Variants in ATP6V0A4 observed in about 807,000 individuals in gnomAD.
The protein encoded by ATP6V0A4 is V-type proton ATPase 116 kDa subunit a 4.
In ATP6V0A4, 86 loss-of-function variants were observed where a neutral mutation model predicts 107.3. That is an observed-to-expected ratio of 0.80 (90% CI 0.67 to 0.96). ATP6V0A4 has a LOEUF of 0.96. ATP6V0A4 is among the 40% of genes least tolerant of loss of function. The probability of loss-of-function intolerance (pLI) is 0.00; values close to 1 mark genes in which losing one functional copy is unlikely to be tolerated. For synonymous variants in ATP6V0A4, 353 were observed against 381.4 expected (o/e 0.93, Z 0.87); for missense variants, 908 against 1,045.6 (o/e 0.87, Z 1.81).
intron 10 of ATP6V0A4, among the ~76,000 whole-genome samples, chr7:138,754,222 G>A (rs1806390452): frequency 6.6e-6 from 1 of 152,098 alleles, no homozygotes; most frequent in African/African-American, 2.4e-5. Context: ...GATGAGGTGG[G>A]TGGATCACCT....
chr7:138,731,023 T>A (rs1375274932), intron 17 of ATP6V0A4, among the ~76,000 whole-genome samples: 2 of 147,272 alleles, frequency 1.4e-5, no homozygotes, highest in African/African-American at 5.0e-5. Context: ...AACCTCTGCC[T>A]CTCAGGTTCA....
At chr7:138,708,569 T>C (rs912525854) in intron 21 of ATP6V0A4, among the ~76,000 whole-genome samples, 7 of 152,340 alleles carry the variant, frequency 4.6e-5, no homozygotes, top group Non-Finnish European at 8.8e-5. Context: ...CTCAGAATTC[T>C]TGGTTGAAAT....
intron 18 of ATP6V0A4, among the ~76,000 whole-genome samples, chr7:138,727,161 G>A (rs1804766848): frequency 6.6e-6 from 1 of 150,602 alleles, no homozygotes; most frequent in African/African-American, 2.4e-5. Context: ...AGGGGGGCAT[G>A]CCTGTTACTT....
At chr7:138,733,514 C>T (rs959989949) in intron 16 of ATP6V0A4, among the ~76,000 whole-genome samples, 1 of 141,998 alleles carries the variant, frequency 7.0e-6, no homozygotes, top group African/African-American at 2.6e-5. Flanking sequence ...GTGTGGCCCA[C>T]AGGCCAATGG....
At chr7:138,765,058 G>A (rs1240338152) in intron 5 of ATP6V0A4, 1 of 152,136 alleles carries the variant, frequency 6.6e-6, no homozygotes, top group African/African-American at 2.4e-5. Flanking sequence ...GCCTCCCAAA[G>A]TGCTGGGATT....
intron 1 of ATP6V0A4, among the ~76,000 whole-genome samples, chr7:138,792,766 G>GTTTTTTGTTTTTT (rs1808474812): frequency 8.7e-5 from 6 of 68,682 alleles, no homozygotes; most frequent in African/African-American, 1.9e-4. Context: ...ACTCAGGTTT[G>GTTTTTTGTTTTTT]TTTTTTTTTT....
intron 5 of ATP6V0A4, among the ~76,000 whole-genome samples, chr7:138,764,708 G>A (rs930320229): frequency 1.6e-4 from 25 of 152,092 alleles, no homozygotes; most frequent in Admixed American, 1.3e-4. Flanking sequence ...CACAATAAAC[G>A]GAAATGGATT....
rs542896462 is a variant in ATP6V0A4 at position 138,755,895 on chromosome 7, C to G, written c.723-113G>C. On this transcript the variant is annotated intron_variant, in intron 9 of 21. Transcript: ENST00000310018. ...ACTTTAGTTAGATGGCCAGCCTATC[C>G]TAGAATAACTGCGTCTTTGGCCACT... The G allele has an allele frequency of 1.3e-5, 20 of 1,531,508 alleles. 1 individual carries two copies. The highest frequency in any genetic ancestry group is 1.7e-4 in the Middle Eastern group (1 of 5,980). 94.9% of individuals were successfully genotyped at this position (1,531,508 alleles called of 1,614,324 possible).
intron 12 of ATP6V0A4, among the ~76,000 whole-genome samples, chr7:138,748,889 A>T (rs993095960): frequency 6.6e-6 from 1 of 152,174 alleles, no homozygotes; most frequent in Non-Finnish European, 1.5e-5. Context: ...CTGCCTGATG[A>T]GGTTGCAGTT....
At chr7:138,780,847 A>G (rs538108177) in intron 2 of ATP6V0A4, among the ~76,000 whole-genome samples, 7 of 152,200 alleles carry the variant, frequency 4.6e-5, no homozygotes, top group African/African-American at 1.7e-4. Flanking sequence ...TGAGACTGCT[A>G]TGATCCGAGA....
At chr7:138,776,692 G>GA (rs1332271698) in intron 2 of ATP6V0A4, among the ~76,000 whole-genome samples, 5 of 152,178 alleles carry the variant, frequency 3.3e-5, no homozygotes, top group Non-Finnish European at 7.3e-5. Flanking sequence ...AACATGTGGA[G>GA]AAAAGAGTAC....
At position 138,769,254 on chromosome 7, in the gene ATP6V0A4, A is replaced by G. The variant is rs186717040; in HGVS notation, c.118-3T>C. The G allele has an allele frequency of 3.1e-6, 5 of 1,609,916 alleles. No individual in the cohort carries two copies. The African/African-American group carries it at 4.0e-5, about 13-fold the overall frequency. ...AAGCTGTTCACATTCATATTTAACTATGGGGGCGAAAATCACAAGATACAT... is the reference window on the plus strand; with the variant it reads ...AAGCTGTTCACATTCATATTTAACTGTGGGGGCGAAAATCACAAGATACAT... On this transcript the variant is annotated splice_region_variant and splice_polypyrimidine_tract_variant and intron_variant, in intron 3 of 21. Coordinates refer to ENST00000310018, the MANE Select transcript of ATP6V0A4 (RefSeq NM_020632.3).
intron 14 of ATP6V0A4, 86 bp downstream of exon 14, chr7:138,745,037 T>G: frequency 8.1e-7 from 1 of 1,232,164 alleles, no homozygotes; most frequent in Non-Finnish European, 1.2e-6. Context: ...TGAGTAGACC[T>G]AGGTGTAGAC....
chr7:138,762,511 C>T lies in ATP6V0A4; in HGVS notation c.418-77G>A, dbSNP rs1455568877. ...AAAGGCACCTACACCTCAAGATTTT[C>T]TCTGGTTTTAGTGAAGCTTTAATTT... On this transcript the variant is annotated intron_variant, in intron 6 of 21. Transcript: ENST00000310018. 5.0e-6 allele frequency: 8 copies of T among 1,588,256 alleles called. No homozygotes were observed. The African/African-American group carries it at 9.5e-5, about 19-fold the overall frequency.
At position 138,769,196 on chromosome 7, in the gene ATP6V0A4, C is replaced by T. The variant is rs781671070; in HGVS notation, c.173G>A (p.Cys58Tyr). The T allele has an allele frequency of 6.8e-6, 11 of 1,611,770 alleles. No individual in the cohort carries two copies. The highest frequency in any genetic ancestry group is 2.2e-5 in the South Asian group (2 of 91,038). Residue 58 changes from cysteine to tyrosine, a missense_variant, in exon 4 of 22, where the codon TGT becomes TAT. Coordinates refer to ENST00000310018, the MANE Select transcript of ATP6V0A4 (RefSeq NM_020632.3). Reference protein sequence around the residue: ...QRKFVNEVRRCESLERILRFL... With the variant: ...QRKFVNEVRRYESLERILRFL... ...ACGGAGGATTCTCTCCAGTGATTCACACCTTCTGACTTCATTCACAAATTT... is the reference window on the plus strand; with the variant it reads ...ACGGAGGATTCTCTCCAGTGATTCATACCTTCTGACTTCATTCACAAATTT...
chr7:138,738,480 C>T (rs1409943347), intron 15 of ATP6V0A4, among the ~76,000 whole-genome samples: 2 of 152,160 alleles, frequency 1.3e-5, no homozygotes, highest in East Asian at 3.9e-4. Context: ...CCTTCTCCAC[C>T]TGCTTACTAA....
At chr7:138,730,986 T>G (rs1206360433) in intron 17 of ATP6V0A4, among the ~76,000 whole-genome samples, 1 of 144,688 alleles carries the variant, frequency 6.9e-6, no homozygotes, top group Admixed American at 7.6e-5. Flanking sequence ...CAGGCTGGAG[T>G]GCAGTGGCGC....
rs1808206571 is a variant in ATP6V0A4 at position 138,787,002 on chromosome 7, T to C, written c.-120-742A>G. Among the ~76,000 whole-genome samples, 4 of 152,342 alleles carry C rather than the reference T, an allele frequency of 2.6e-5. No homozygotes were observed. In the South Asian group the frequency reaches 8.3e-4, roughly 32 times the overall value. On this transcript the variant is annotated intron_variant, in intron 1 of 21. Transcript: ENST00000310018. ...TTGACTACAGAGTCATAGAAATCTATCACTGGAAGAAACTTCGAGATCACC... is the reference window on the plus strand; with the variant it reads ...TTGACTACAGAGTCATAGAAATCTACCACTGGAAGAAACTTCGAGATCACC...
chr7:138,718,619 T>TTGGG, intron 19 of ATP6V0A4, among the ~76,000 whole-genome samples: 1 of 32,472 alleles, frequency 3.1e-5, no homozygotes, highest in South Asian at 1.1e-3. Context: ...TGGGGAGGAA[T>TTGGG]GGGGAGGTGC....
Sources: gnomAD v4.1 joint callset for allele counts (sites outside exome capture counted in the v4.1 genomes callset) on GRCh38, gnomAD v4.1.1 for gene constraint, MANE v1.5 for transcripts, NCBI Gene and HGNC (gene_info 2026-07-23, HGNC 2026-07-21) for gene names.